KCNK13: variants seen among roughly 807,000 people sequenced by gnomAD.
KCNK13 encodes potassium two pore domain channel subfamily K member 13.
A neutral mutation model predicts 23.4 loss-of-function variants in KCNK13; 12 were observed. The observed-to-expected ratio is 0.51, with a 90% CI of 0.33 to 0.83. The LOEUF (loss-of-function observed/expected upper bound fraction) is 0.83. Among genes scored for constraint, KCNK13 ranks in the 40% least tolerant of loss-of-function variants. The pLI is 0.02. For synonymous variants in KCNK13, 231 were observed against 229.5 expected, an observed-to-expected ratio of 1.01 and a Z score of -0.06; for missense variants, 463 against 556.3, an observed-to-expected ratio of 0.83 and a Z score of 1.69.
chr14:90,092,418 G>A (rs925563341), intron 1 of KCNK13, among the ~76,000 whole-genome samples: 4 of 152,188 alleles, frequency 2.6e-5, no homozygotes, highest in East Asian at 1.9e-4. Flanking sequence ...TGGGGAAAAT[G>A]TAGGTTATGA....
intron 1 of KCNK13, among the ~76,000 whole-genome samples, chr14:90,096,196 A>G (rs1889408277): frequency 6.6e-6 from 1 of 152,132 alleles, no homozygotes; most frequent in Admixed American, 6.5e-5. Flanking sequence ...ACCATTGGCC[A>G]TTGGTGATCA....
At chr14:90,066,138 ATTT>A (rs35664886) in intron 1 of KCNK13, among the ~76,000 whole-genome samples, 33 of 135,858 alleles carry the variant, frequency 2.4e-4, no homozygotes, top group Non-Finnish European at 2.4e-4. Flanking sequence ...TAATTTTTGT[ATTT>A]TTTTTTTTTT....
rs1888962117 is a variant in KCNK13, at chr14:90,062,827, T to C, written c.334+288T>C. Reference sequence around the variant, plus strand: ...GCATGTTAACAAAGTCCCCAAAGGATTGGAATGATCCTTAAATTGGAGACG... The same window carrying C: ...GCATGTTAACAAAGTCCCCAAAGGACTGGAATGATCCTTAAATTGGAGACG... On this transcript the variant is annotated intron_variant, in intron 1 of 1. Transcript: ENST00000282146. This position sits in a 1 kb window ranked among gnomAD's most constrained non-coding sequence, Gnocchi z 4.5. Among the ~76,000 whole-genome samples, 1 of 152,136 alleles carries C rather than the reference T, an allele frequency of 6.6e-6. No individual in the cohort carries two copies. Among genetic ancestry groups the C allele is most frequent in the Non-Finnish European group, 1.5e-5 (1 of 68,018 alleles).
chr14:90,126,357 C>T (rs992184563), intron 1 of KCNK13, among the ~76,000 whole-genome samples: 1 of 152,110 alleles, frequency 6.6e-6, no homozygotes, highest in African/African-American at 2.4e-5. Context: ...AAAACCTGCC[C>T]AACGCTGCCT....
chr14:90,104,909 C>G (rs1342206207), intron 1 of KCNK13, among the ~76,000 whole-genome samples: 1 of 151,388 alleles, frequency 6.6e-6, no homozygotes, highest in Non-Finnish European at 1.5e-5. Context: ...CCTGCCTCAG[C>G]ATCCCGAGTA....
chr14:90,129,965 C>T (rs1889847771), intron 1 of KCNK13, among the ~76,000 whole-genome samples: 1 of 152,042 alleles, frequency 6.6e-6, no homozygotes, highest in South Asian at 2.1e-4. Context: ...TTTTAAGTAG[C>T]CATTACAAAA....
chr14:90,113,628 T>G (rs975235275), intron 1 of KCNK13, among the ~76,000 whole-genome samples: 1 of 152,052 alleles, frequency 6.6e-6, no homozygotes, highest in Non-Finnish European at 1.5e-5. Context: ...TGTAAGATCT[T>G]AATATTAGAA....
intron 1 of KCNK13, among the ~76,000 whole-genome samples, chr14:90,136,564 A>G (rs1371190532): frequency 6.6e-6 from 1 of 152,210 alleles, no homozygotes; most frequent in East Asian, 1.9e-4. Context: ...TTTTATTGAA[A>G]GCAAAATAAT....
At chr14:90,115,547 C>T (rs1306832535) in intron 1 of KCNK13, among the ~76,000 whole-genome samples, 1 of 152,166 alleles carries the variant, frequency 6.6e-6, no homozygotes. Flanking sequence ...CCCAGGGGCC[C>T]TTTCTGTAAA....
intron 1 of KCNK13, among the ~76,000 whole-genome samples, chr14:90,092,912 C>CAAAAAA (rs34122207): frequency 0.014 from 1,129 of 78,236 alleles, 55 homozygotes; most frequent in African/African-American, 0.05. Flanking sequence ...ACCCTGTCTC[C>CAAAAAA]AAAAAAAAAA....
At chr14:90,088,960 G>GC (rs1434705712) in intron 1 of KCNK13, among the ~76,000 whole-genome samples, 2 of 152,060 alleles carry the variant, frequency 1.3e-5, no homozygotes, top group African/African-American at 2.4e-5. Flanking sequence ...TGATTGTAAG[G>GC]CCCCCCAGCC....
At chr14:90,114,700 C>A (rs2140414275) in intron 1 of KCNK13, among the ~76,000 whole-genome samples, 1 of 152,268 alleles carries the variant, frequency 6.6e-6, no homozygotes, top group African/African-American at 2.4e-5. Flanking sequence ...TTCCATGCTT[C>A]TTTGTGTCTC....
At chr14:90,175,991 T>TA (rs1040052372) in intron 1 of KCNK13, among the ~76,000 whole-genome samples, 6 of 152,148 alleles carry the variant, frequency 3.9e-5, no homozygotes, top group African/African-American at 1.4e-4. Flanking sequence ...CTGGAACTAG[T>TA]ACAGCATCGC....
At chr14:90,116,063 CA>C (rs948074978) in intron 1 of KCNK13, among the ~76,000 whole-genome samples, 4 of 151,658 alleles carry the variant, frequency 2.6e-5, no homozygotes, top group African/African-American at 9.7e-5. Flanking sequence ...GCCTGCCTGC[CA>C]AAAAAAATTT....
At chr14:90,099,268 G>A (rs1889447569) in intron 1 of KCNK13, among the ~76,000 whole-genome samples, 1 of 152,126 alleles carries the variant, frequency 6.6e-6, no homozygotes. Context: ...TTCACGTGAG[G>A]AATGTTCAGG....
intron 1 of KCNK13, among the ~76,000 whole-genome samples, chr14:90,079,705 G>A (rs1411293502): frequency 6.6e-6 from 1 of 152,218 alleles, no homozygotes; most frequent in African/African-American, 2.4e-5. Context: ...TCACACGGCT[G>A]CAAGAATGGC....
intron 1 of KCNK13, among the ~76,000 whole-genome samples, chr14:90,169,506 G>T (rs1890340767): frequency 6.6e-6 from 1 of 152,174 alleles, no homozygotes; most frequent in Non-Finnish European, 1.5e-5. Flanking sequence ...CACTTTCCTT[G>T]CATGCCTCTC....
chr14:90,134,150 C>T (rs1345018646), intron 1 of KCNK13, among the ~76,000 whole-genome samples: 1 of 151,634 alleles, frequency 6.6e-6, no homozygotes, highest in Non-Finnish European at 1.5e-5. Flanking sequence ...CCCAGGAGTT[C>T]GAGGCTACAG....
chr14:90,181,622 C>G (rs1041385641), intron 1 of KCNK13, among the ~76,000 whole-genome samples: 1 of 152,206 alleles, frequency 6.6e-6, no homozygotes, highest in Non-Finnish European at 1.5e-5. Flanking sequence ...TTAACAGGTG[C>G]TCAGTAAATT....
Sources: gnomAD v4.1 joint callset for allele counts (sites outside exome capture counted in the v4.1 genomes callset) on GRCh38, gnomAD v4.1.1 for gene constraint, Gnocchi (gnomAD v3.1) non-coding constraint, MANE v1.5 for transcripts, NCBI Gene and HGNC (gene_info 2026-07-23, HGNC 2026-07-21) for gene names.